Variants in GTF2A1L observed in about 807,000 individuals in gnomAD.
GTF2A1L encodes general transcription factor IIA subunit 1 like.
Under a neutral mutation model 49.7 loss-of-function variants are expected in GTF2A1L, and 48 were observed. That is an observed-to-expected ratio of 0.97 (90% CI 0.77 to 1.23). The LOEUF is 1.23. GTF2A1L is among the 50% of genes most tolerant of loss of function. The probability of loss-of-function intolerance (pLI) is 0.00; values close to 1 mark genes in which losing one functional copy is unlikely to be tolerated. For synonymous variants in GTF2A1L, 246 were observed against 193.5 expected (o/e 1.27, Z -2.25); for missense variants, 736 against 564.8 (o/e 1.30, Z -3.07).
intron 3 of GTF2A1L, among the ~76,000 whole-genome samples, chr2:48,626,698 A>G (rs1676313304): frequency 7.0e-6 from 1 of 143,598 alleles, no homozygotes; most frequent in South Asian, 2.4e-4. Flanking sequence ...TCGGACTCCC[A>G]AAGTAGCTGG....
chr2:48,659,266 C>T (rs917373105), intron 6 of GTF2A1L, among the ~76,000 whole-genome samples: 1 of 152,062 alleles, frequency 6.6e-6, no homozygotes, highest in Non-Finnish European at 1.5e-5. Flanking sequence ...TTGAATTATT[C>T]CATCAAATAT....
At chr2:48,659,463 C>CT (rs2104263769) in intron 6 of GTF2A1L, among the ~76,000 whole-genome samples, 1 of 151,988 alleles carries the variant, frequency 6.6e-6, no homozygotes, top group South Asian at 2.1e-4. Flanking sequence ...TTTGGCATTC[C>CT]TTGAGATTTG....
chr2:48,651,879 A>G (rs547992334), intron 6 of GTF2A1L, among the ~76,000 whole-genome samples: 3 of 152,204 alleles, frequency 2.0e-5, no homozygotes, highest in African/African-American at 7.2e-5. Flanking sequence ...TTCATTGATG[A>G]TCTATGTGGT....
rs779728668 is a variant in GTF2A1L, at chr2:48,646,512, A to G, written c.448A>G (p.Ile150Val). 8 of 1,614,034 alleles carry G rather than the reference A, an allele frequency of 5.0e-6. No homozygotes were observed. Among genetic ancestry groups the G allele is most frequent in the African/African-American group, 1.3e-5 (1 of 75,024 alleles). Residue 150 changes from isoleucine to valine, a missense_variant, in exon 6 of 9, where the codon ATT becomes GTT. Coordinates refer to ENST00000403751, the MANE Select transcript of GTF2A1L (RefSeq NM_006872.5). ...MVTETSGRAG[I>V]LQHPIQQVFQ... ...GACAGAGACTTCTGGAAGAGCAGGT[A>G]TTCTTCAGCATCCAATTCAGCAAGT... is the stretch of plus-strand genomic sequence containing the variant.
intron 6 of GTF2A1L, among the ~76,000 whole-genome samples, chr2:48,664,991 G>T (rs1409013890): frequency 1.3e-5 from 2 of 151,850 alleles, no homozygotes; most frequent in Non-Finnish European, 2.9e-5. Context: ...GTATGATCTC[G>T]GCTCACTGCA....
chr2:48,648,813 C>A (rs761765540), intron 6 of GTF2A1L, among the ~76,000 whole-genome samples: 6 of 152,074 alleles, frequency 3.9e-5, no homozygotes, highest in Non-Finnish European at 8.8e-5. Flanking sequence ...ATGTCTAACA[C>A]ACAAAATCCA....
At chr2:48,677,978 GGTGT>G (rs5830998) in intron 8 of GTF2A1L, among the ~76,000 whole-genome samples, 44,914 of 147,482 alleles carry the variant, frequency 0.3, 6,790 homozygotes, top group Non-Finnish European at 0.32. Flanking sequence ...CTCTGAGATG[GGTGT>G]GTGTGTGTGT....
intron 6 of GTF2A1L, among the ~76,000 whole-genome samples, chr2:48,655,471 G>A (rs542667414): frequency 2.0e-5 from 3 of 152,110 alleles, no homozygotes; most frequent in South Asian, 2.1e-4. Context: ...GATTATAGAC[G>A]TATGAGCCAC....
chr2:48,645,184 A>C (rs1194289087), intron 5 of GTF2A1L, 67 bp downstream of exon 5: 1 of 1,408,402 alleles, frequency 7.1e-7, no homozygotes, highest in African/African-American at 1.5e-5. Flanking sequence ...ATTAAGCTTC[A>C]TGATTTTTAA....
chr2:48,669,945 G>A lies in GTF2A1L; in HGVS notation c.1202G>A (p.Ser401Asn). ...ISNEDSATNSSDNEDPQVNIV... is the reference protein window; with the variant it reads ...ISNEDSATNSNDNEDPQVNIV... ...AATGAGGATTCAGCCACAAACAGTA[G>A]TGATAATGAAGACCCTCAAGTAAAC... Residue 401 changes from serine (S) to asparagine (N), a missense_variant, in exon 7 of 9, where the codon AGT becomes AAT. By Grantham distance (46) the Ser-to-Asn change is conservative. Coordinates refer to ENST00000403751, the MANE Select transcript of GTF2A1L (RefSeq NM_006872.5). 1 of 1,614,024 alleles carries A rather than the reference G, an allele frequency of 6.2e-7. No homozygotes were observed. Among genetic ancestry groups the A allele is most frequent in the Non-Finnish European group, 8.5e-7 (1 of 1,179,986 alleles).
At position 48,672,992 on chromosome 2, in the gene GTF2A1L, C is replaced by G. The variant is rs147802587; in HGVS notation, c.1329+1312C>G. Among the ~76,000 whole-genome samples, 242 of 152,290 alleles carry G rather than the reference C, an allele frequency of 1.6e-3. 2 individuals are homozygous for G. The highest frequency in any genetic ancestry group is 5.4e-3 in the African/African-American group (223 of 41,558). On this transcript the variant is annotated intron_variant, in intron 8 of 8. Coordinates refer to ENST00000403751, the MANE Select transcript of GTF2A1L (RefSeq NM_006872.5). ...GCCTAAGAAACCACTGATCTACTCT[C>G]TATTTCTATGGATTTTCCTATTCTG... is the stretch of plus-strand genomic sequence containing the variant.
chr2:48,639,791 T>C (rs768680937), intron 3 of GTF2A1L, among the ~76,000 whole-genome samples: 5 of 152,162 alleles, frequency 3.3e-5, no homozygotes, highest in Non-Finnish European at 7.4e-5. Context: ...ATTTGCAAAC[T>C]ATGTATCTGA....
In GTF2A1L at chr2:48,679,367, T is replaced by C. The variant is rs111354707; in HGVS notation, c.1362T>C (p.Tyr454=). Residue 454 remains tyrosine, a synonymous_variant, in exon 9 of 9, where the codon TAT becomes TAC. Transcript: ENST00000403751. ...IHRSKNKWKF[Y]LKDGVMCFGG... ...GAAGCAAGAACAAATGGAAATTCTA[T>C]TTGAAAGATGGTGTTATGTGTTTTG... is the stretch of plus-strand genomic sequence containing the variant. 11 of 1,611,114 alleles carry C rather than the reference T, an allele frequency of 6.8e-6. No homozygotes were observed. In the African/African-American group the frequency reaches 1.1e-4, roughly 16 times the overall value.
chr2:48,662,789 T>A (rs1019426705), intron 6 of GTF2A1L, among the ~76,000 whole-genome samples: 1 of 152,114 alleles, frequency 6.6e-6, no homozygotes, highest in Admixed American at 6.5e-5. Context: ...CTCTTGATGC[T>A]TTAAAGGTAT....
chr2:48,633,551 T>C (rs1676705681), intron 3 of GTF2A1L, among the ~76,000 whole-genome samples: 1 of 152,204 alleles, frequency 6.6e-6, no homozygotes, highest in Non-Finnish European at 1.5e-5. Flanking sequence ...ATTTGCTTTA[T>C]GGCTGAGCAT....
intron 8 of GTF2A1L, among the ~76,000 whole-genome samples, chr2:48,676,547 TA>T (rs1679477772): frequency 6.6e-6 from 1 of 151,890 alleles, no homozygotes. Flanking sequence ...TTTGTCTATT[TA>T]AAAAATTGGA....
At chr2:48,665,046 C>T (rs552039978) in intron 6 of GTF2A1L, among the ~76,000 whole-genome samples, 109 of 152,074 alleles carry the variant, frequency 7.2e-4, no homozygotes, top group Middle Eastern at 3.4e-3. Flanking sequence ...CTCAGCCTCC[C>T]GACTAGCTGG....
At chr2:48,655,055 G>C (rs1047669507) in intron 6 of GTF2A1L, among the ~76,000 whole-genome samples, 2 of 151,974 alleles carry the variant, frequency 1.3e-5, no homozygotes, top group African/African-American at 2.4e-5. Context: ...AGACTGATTT[G>C]GGTTTGTGTT....
At chr2:48,623,305 A>G (rs1158776373) in intron 3 of GTF2A1L, among the ~76,000 whole-genome samples, 2 of 152,244 alleles carry the variant, frequency 1.3e-5, no homozygotes, top group Non-Finnish European at 2.9e-5. Flanking sequence ...AATTAAATCT[A>G]CAATTCAATA....
Sources: gnomAD v4.1 joint callset for allele counts (sites outside exome capture counted in the v4.1 genomes callset) on GRCh38, gnomAD v4.1.1 for gene constraint, MANE v1.5 for transcripts, NCBI Gene and HGNC (gene_info 2026-07-23, HGNC 2026-07-21) for gene names.